Variants in NCR3LG1 observed in about 807,000 individuals in gnomAD.
NCR3LG1 encodes the protein natural killer cell cytotoxicity receptor 3 ligand 1.
Under a neutral mutation model 34.8 loss-of-function variants are expected in NCR3LG1, and 35 were observed. That is an observed-to-expected ratio of 1.01 (90% CI 0.77 to 1.33). The LOEUF is 1.33. Among genes scored for constraint, NCR3LG1 ranks in the 40% most tolerant of loss-of-function variants. The pLI is 0.00. For missense variants in NCR3LG1, 452 were observed against 423.3 expected, an observed-to-expected ratio of 1.07 and a Z score of -0.60; for synonymous variants, 173 against 163.6, an observed-to-expected ratio of 1.06 and a Z score of -0.44.
rs1197459314 is a variant in NCR3LG1 at position 17,372,140 on chromosome 11, G to T, written c.993G>T (p.Leu331=). The T allele has an allele frequency of 4.3e-6, 3 of 702,908 alleles. No homozygotes were observed. The South Asian group carries it at 4.4e-5, about 10-fold the overall frequency. The allele number at this position is 702,908 out of a possible 1,614,324, so 43.5% of individuals were successfully genotyped here. Residue 331 remains leucine, a synonymous_variant, in exon 5 of 5, where the codon CTG becomes CTT. Coordinates refer to ENST00000338965, the MANE Select transcript of NCR3LG1 (RefSeq NM_001202439.3). ...FCTRAWPSYQ[L]QDGEAWPPEG... Reference sequence around the variant, plus strand: ...CTCGGGCATGGCCGTCTTACCAGCTGCAGGATGGGGAGGCTTGGCCTCCTG... The same window carrying T: ...CTCGGGCATGGCCGTCTTACCAGCTTCAGGATGGGGAGGCTTGGCCTCCTG...
downstream of NCR3LG1, chr11:17,381,003 A>C (rs185024178): frequency 6.6e-6 from 1 of 152,332 alleles, no homozygotes; most frequent in East Asian, 1.9e-4. Flanking sequence ...CATAATTTCC[A>C]AGATCCTATC....
chr11:17,367,084 G>A lies in NCR3LG1; in HGVS notation c.497G>A (p.Ser166Asn). The A allele has an allele frequency of 6.5e-7, 1 of 1,536,210 alleles. No individual in the cohort carries two copies. Among genetic ancestry groups the A allele is most frequent in the Non-Finnish European group, 8.7e-7 (1 of 1,146,918 alleles). The change falls in exon 3 of 5, where the codon AGT becomes AAT. Residue 166 changes from serine to asparagine, a missense_variant. Transcript: ENST00000338965. ...ENEDKYMCES[S>N]GFYPEAINIT... is the part of the protein sequence containing the mutation. Reference sequence around the variant, plus strand: ...GAAGACAAATATATGTGTGAGTCAAGTGGGTTCTACCCAGAGGCTATTAAT... The same window carrying A: ...GAAGACAAATATATGTGTGAGTCAAATGGGTTCTACCCAGAGGCTATTAAT...
chr11:17,367,087 G>A lies in NCR3LG1; in HGVS notation c.500G>A (p.Gly167Glu). 2.3e-5 allele frequency: 35 copies of A among 1,536,192 alleles called. No individual in the cohort carries two copies. The highest frequency in any genetic ancestry group is 3.0e-5 in the Non-Finnish European group (34 of 1,146,918). Residue 167 changes from glycine (G) to glutamate (E), a missense_variant, in exon 3 of 5, where the codon GGG becomes GAG. Transcript: ENST00000338965. ...NEDKYMCESS[G>E]FYPEAINITW... ...GACAAATATATGTGTGAGTCAAGTGGGTTCTACCCAGAGGCTATTAATATA... is the reference window on the plus strand; with the variant it reads ...GACAAATATATGTGTGAGTCAAGTGAGTTCTACCCAGAGGCTATTAATATA...
chr11:17,380,642 T>G (rs1213987741), downstream of NCR3LG1: 1 of 151,934 alleles, frequency 6.6e-6, no homozygotes, highest in Non-Finnish European at 1.5e-5. Context: ...CATGTCACCA[T>G]GCCTGTCTAA....
chr11:17,360,587 A>G (rs1037709446), intron 2 of NCR3LG1, among the ~76,000 whole-genome samples: 1 of 151,214 alleles, frequency 6.6e-6, no homozygotes, highest in Non-Finnish European at 1.5e-5. Flanking sequence ...GTTTGTGTCT[A>G]TATTCTATAT....
At chr11:17,364,097 T>C (rs185040015) in intron 2 of NCR3LG1, among the ~76,000 whole-genome samples, 166 of 152,332 alleles carry the variant, frequency 1.1e-3, no homozygotes, top group African/African-American at 3.8e-3. Flanking sequence ...ATTCCCATTA[T>C]ATATCTGTTA....
chr11:17,367,095 C>T lies in NCR3LG1; in HGVS notation c.508C>T (p.Pro170Ser). ...TATGTGTGAGTCAAGTGGGTTCTAC[C>T]CAGAGGCTATTAATATAACATGGGA... ...KYMCESSGFYPEAINITWEKQ... is the reference protein window; with the variant it reads ...KYMCESSGFYSEAINITWEKQ... Residue 170 changes from proline (P) to serine (S), a missense_variant, in exon 3 of 5, where the codon CCA (proline) becomes TCA (serine). Transcript: ENST00000338965. The T allele has an allele frequency of 6.5e-7, 1 of 1,536,090 alleles. No individual in the cohort carries two copies. The highest frequency in any genetic ancestry group is 8.7e-7 in the Non-Finnish European group (1 of 1,146,900).
Position 17,373,532 on chromosome 11 carries a change from G to A in NCR3LG1, c.*1020G>A, listed in dbSNP as rs758758499. The A allele has an allele frequency of 6.6e-6, 1 of 152,320 alleles. No individual in the cohort carries two copies. Among genetic ancestry groups the A allele is most frequent in the Non-Finnish European group, 1.5e-5 (1 of 68,032 alleles). The allele number at this position is 152,320 out of a possible 1,614,324, so 9.4% of individuals were successfully genotyped here. The stretch of plus-strand genomic sequence containing the variant: ...CCTGGGGCTCAACTCCCTGGCTCCA[G>A]TGGCTCAGACTGCTGTTACTACCCG... On this transcript the variant is annotated 3_prime_UTR_variant, in exon 5 of 5. Transcript: ENST00000338965.
rs1953430750 is a variant in NCR3LG1 at position 17,373,081 on chromosome 11, A to C, written c.*569A>C. 2.0e-5 allele frequency: 3 copies of C among 152,202 alleles called. No individual in the cohort carries two copies. Among genetic ancestry groups the C allele is most frequent in the Admixed American group, 6.5e-5 (1 of 15,272 alleles). The allele number at this position is 152,202 out of a possible 1,614,324, so 9.4% of individuals were successfully genotyped here. A position where few individuals can be genotyped will look rare whatever the true frequency, so the allele number is the denominator to read the frequency against. On this transcript the variant is annotated 3_prime_UTR_variant, in exon 5 of 5. Transcript: ENST00000338965. ...TGTTTATACCTCACATAAATAATTC[A>C]ATTGAGGGACAGCTAATTTTGAAAG...
In NCR3LG1 at chr11:17,374,822, G is replaced by C. The variant is rs550267742; in HGVS notation, c.*2310G>C. 1 of 152,148 alleles carries C rather than the reference G, an allele frequency of 6.6e-6. No homozygotes were observed. Among genetic ancestry groups the C allele is most frequent in the Non-Finnish European group, 1.5e-5 (1 of 68,028 alleles). The allele number at this position is 152,148 out of a possible 1,614,324, so 9.4% of individuals were successfully genotyped here. ...GACCTGGGAACCTGAAGGTCAAAAG[G>C]CCATTAATCAGTTAAAACAAGCCTT... On this transcript the variant is annotated 3_prime_UTR_variant, in exon 5 of 5. Transcript: ENST00000338965.
chr11:17,354,545 C>CT (rs71047545), intron 1 of NCR3LG1, among the ~76,000 whole-genome samples: 1,889 of 70,084 alleles, frequency 0.027, 130 homozygotes, highest in Non-Finnish European at 0.047. Flanking sequence ...AATTCTTCTT[C>CT]TTTTTTTTTT....
intron 2 of NCR3LG1, among the ~76,000 whole-genome samples, chr11:17,359,794 G>T (rs1333720501): frequency 6.6e-6 from 1 of 151,868 alleles, no homozygotes; most frequent in Non-Finnish European, 1.5e-5. Flanking sequence ...TTACAGGCAT[G>T]AACCACCATA....
intron 1 of NCR3LG1, among the ~76,000 whole-genome samples, chr11:17,356,424 A>T (rs1014214401): frequency 2.0e-5 from 3 of 151,786 alleles, no homozygotes; most frequent in Admixed American, 6.6e-5. Flanking sequence ...GGCATGAGCC[A>T]CCGTGCCTGG....
Position 17,372,460 on chromosome 11 carries a change from C to G in NCR3LG1, c.1313C>G (p.Thr438Arg), listed in dbSNP as rs1419987268. 3 of 703,320 alleles carry G rather than the reference C, an allele frequency of 4.3e-6. No homozygotes were observed. The highest frequency in any genetic ancestry group is 7.8e-6 in the Non-Finnish European group (3 of 385,072). 43.6% of individuals were successfully genotyped at this position (703,320 alleles called of 1,614,324 possible). The part of the protein sequence containing the change: ...IWEPPPATTS[T>R]TPVLSSQPPT... The stretch of plus-strand genomic sequence containing the variant: ...GAACCTCCTCCAGCCACAACATCAA[C>G]AACTCCAGTTCTATCCTCCCAACCC... The change falls in exon 5 of 5, where the codon ACA becomes AGA. Residue 438 changes from threonine to arginine, a missense_variant. Thr to Arg is a moderately conservative substitution (Grantham distance 71, BLOSUM62 -1). Coordinates refer to ENST00000338965, the MANE Select transcript of NCR3LG1 (RefSeq NM_001202439.3).
At chr11:17,377,888 G>A (rs552506145), downstream of NCR3LG1, among the ~76,000 whole-genome samples, 5 of 152,264 alleles carry the variant, frequency 3.3e-5, no homozygotes, top group East Asian at 3.9e-4. Context: ...TCTCAGATGC[G>A]CTGAACAAAG....
In NCR3LG1 at chr11:17,356,863, G is replaced by A; in HGVS notation, c.283G>A (p.Val95Met). The A allele has an allele frequency of 6.5e-7, 1 of 1,536,146 alleles. No homozygotes were observed. Among genetic ancestry groups the A allele is most frequent in the Non-Finnish European group, 8.7e-7 (1 of 1,146,900 alleles). Reference sequence around the variant, plus strand: ...AGAGGCATTCCGACCTGGAGCCATTGTGTCTCCATGGAGGCTGAAGAGTGG... The same window carrying A: ...AGAGGCATTCCGACCTGGAGCCATTATGTCTCCATGGAGGCTGAAGAGTGG... ...HQEAFRPGAI[V>M]SPWRLKSGDA... The change falls in exon 2 of 5, where the codon GTG (valine) becomes ATG (methionine). Residue 95 changes from valine (V) to methionine (M), a missense_variant. Transcript: ENST00000338965.
chr11:17,356,278 C>T (rs931172809), intron 1 of NCR3LG1, among the ~76,000 whole-genome samples: 4 of 151,586 alleles, frequency 2.6e-5, no homozygotes, highest in African/African-American at 9.7e-5. Context: ...GCTGGGATTA[C>T]AGGTGTGCAC....
At chr11:17,371,512 T>G (rs184187884) in intron 4 of NCR3LG1, among the ~76,000 whole-genome samples, 56 of 150,970 alleles carry the variant, frequency 3.7e-4, no homozygotes, top group African/African-American at 1.3e-3. Flanking sequence ...AGCCATTCAA[T>G]TTTTACATTC....
At chr11:17,379,536 G>C (rs967684400), downstream of NCR3LG1, among the ~76,000 whole-genome samples, 3 of 152,090 alleles carry the variant, frequency 2.0e-5, no homozygotes, top group Non-Finnish European at 4.4e-5. Flanking sequence ...GCTTCCTCGT[G>C]TGCTTCTAAT....
Sources: gnomAD v4.1 joint callset for allele counts (sites outside exome capture counted in the v4.1 genomes callset) on GRCh38, gnomAD v4.1.1 for gene constraint, MANE v1.5 for transcripts, NCBI Gene and HGNC (gene_info 2026-07-23, HGNC 2026-07-21) for gene names.